ERAP2: variants seen among roughly 807,000 people sequenced by gnomAD.
ERAP2 encodes endoplasmic reticulum aminopeptidase 2, also known as leukocyte-derived arginine aminopeptidase.
Under a neutral mutation model 111.1 loss-of-function variants are expected in ERAP2, and 118 were observed. The ratio of observed to expected loss-of-function variants is 1.06; its 90% CI spans 0.92 to 1.24. ERAP2 has a LOEUF of 1.24. Among genes scored for constraint, ERAP2 ranks in the 50% most tolerant of loss-of-function variants. The probability of loss-of-function intolerance (pLI) is 0.00; values close to 1 mark genes in which losing one functional copy is unlikely to be tolerated. For missense variants in ERAP2, 1,131 were observed against 1,125.8 expected (o/e 1.00, Z -0.07); for synonymous variants, 410 against 401.2 (o/e 1.02, Z -0.26).
chr5:96,905,819 G>T (rs556427481), intron 13 of ERAP2, among the ~76,000 whole-genome samples: 2 of 152,026 alleles, frequency 1.3e-5, no homozygotes, highest in African/African-American at 4.8e-5. Context: ...AGAAGATCAC[G>T]CCACTGAACT....
rs753719460 is a variant in ERAP2, at chr5:96,896,453, G to A, written c.1320G>A (p.Ala440=). ...LNSSRPISKP[A]ETPTQIQEMF... is the part of the protein sequence containing the mutation. Reference sequence around the variant, plus strand: ...CATCCCGCCCTATCTCCAAACCAGCGGAAACCCCGACTCAAATACAGGAAA... The same window carrying A: ...CATCCCGCCCTATCTCCAAACCAGCAGAAACCCCGACTCAAATACAGGAAA... The change falls in exon 8 of 19, where the codon GCG becomes GCA. Residue 440 remains alanine (A), a synonymous_variant. Coordinates refer to ENST00000437043, the MANE Select transcript of ERAP2 (RefSeq NM_022350.5). 28 of 1,613,334 alleles carry A rather than the reference G, an allele frequency of 1.7e-5. No homozygotes were observed. Among genetic ancestry groups the A allele is most frequent in the Admixed American group, 3.3e-5 (2 of 59,898 alleles).
intron 2 of ERAP2, among the ~76,000 whole-genome samples, chr5:96,882,894 C>T (rs6556941): frequency 0.07 from 10,623 of 152,176 alleles, 481 homozygotes; most frequent in East Asian, 0.14. Context: ...TATTCTATTC[C>T]CCCCTCCTTT....
Position 96,903,362 on chromosome 5 carries a change from A to G in ERAP2, c.1829-15A>G, listed in dbSNP as rs747831977. Reference sequence around the variant, plus strand: ...TGTTGATAATAAAATGCCTATGCCAATCTTATCCTCTTAGATACTCTGGAT... The same window carrying G: ...TGTTGATAATAAAATGCCTATGCCAGTCTTATCCTCTTAGATACTCTGGAT... On this transcript the variant is annotated splice_polypyrimidine_tract_variant and intron_variant, in intron 12 of 18. Coordinates refer to ENST00000437043, the MANE Select transcript of ERAP2 (RefSeq NM_022350.5). 1.1e-5 allele frequency: 17 copies of G among 1,595,358 alleles called. No individual in the cohort carries two copies. The East Asian group carries it at 3.6e-4, about 34-fold the overall frequency.
chr5:96,901,784 TC>T, intron 11 of ERAP2, 103 bp downstream of exon 11: 1 of 1,179,362 alleles, frequency 8.5e-7, no homozygotes, highest in Non-Finnish European at 1.2e-6. Context: ...GGATGCTAGT[TC>T]CATATAAGAA....
Position 96,912,725 on chromosome 5 carries a change from T to G in ERAP2, c.2443T>G (p.Ser815Ala), listed in dbSNP as rs148708472. The change falls in exon 16 of 19, where the codon TCA (serine) becomes GCA (alanine). Residue 815 changes from serine to alanine, a missense_variant. Around this residue, in one of 3 missense-constraint regions of ERAP2, gnomAD observed 279 missense variants for 250.9 expected, o/e 1.11. Transcript: ENST00000437043. ...TTACCTTTTAGAGCAATATGAACTG[T>G]CAATGTCAAGTGCTGAACAAAACAA... ...WNYLLEQYEL[S>A]MSSAEQNKIL... 13 of 1,603,860 alleles carry G rather than the reference T, an allele frequency of 8.1e-6. No homozygotes were observed. Among genetic ancestry groups the G allele is most frequent in the Non-Finnish European group, 1.1e-5 (13 of 1,177,194 alleles).
chr5:96,882,224 A>G (rs1479544200), intron 2 of ERAP2, among the ~76,000 whole-genome samples: 1 of 152,198 alleles, frequency 6.6e-6, no homozygotes, highest in Non-Finnish European at 1.5e-5. Flanking sequence ...CACATAAACA[A>G]TGATGGCTTT....
chr5:96,915,811 C>T (rs1270735544), intron 18 of ERAP2, 42 bp downstream of exon 18: 2 of 1,440,764 alleles, frequency 1.4e-6, no homozygotes, highest in Middle Eastern at 1.8e-4. Context: ...AATAAATGTT[C>T]AAATTGTGGA....
rs528372341 is a variant in ERAP2, at chr5:96,905,237, G to A, written c.2012+1677G>A. ...TCAAATAATGTGAAGTTGAGAAAAA[G>A]GCAGAATGTAAGTCTGTGTATTATT... On this transcript the variant is annotated intron_variant, in intron 13 of 18. Coordinates refer to ENST00000437043, the MANE Select transcript of ERAP2 (RefSeq NM_022350.5). 7.0e-4 allele frequency among the ~76,000 whole-genome samples: 106 copies of A among 152,140 alleles called. 1 individual carries two copies. The highest frequency in any genetic ancestry group is 1.3e-3 in the Non-Finnish European group (88 of 68,024).
At chr5:96,893,263 C>T (rs1268792078) in intron 6 of ERAP2, among the ~76,000 whole-genome samples, 4 of 152,126 alleles carry the variant, frequency 2.6e-5, no homozygotes, top group African/African-American at 4.8e-5. Flanking sequence ...ATTAAAGTCA[C>T]CAAAATTGTC....
At position 96,913,400 on chromosome 5, in the gene ERAP2, AG is replaced by A. The variant is rs753952011; in HGVS notation, c.2604del (p.Gln869SerfsTer3). On this transcript the variant is annotated frameshift_variant, in exon 17 of 19. Coordinates refer to ENST00000437043, the MANE Select transcript of ERAP2 (RefSeq NM_022350.5). LOFTEE classifies it high-confidence loss of function. ...ALLHAIARRP[K>X]GQQLAWDFVR... ...CTTCATGCGATTGCCAGACGTCCAA[AG>A]GGGCAGCAACTAGCATGGGATTTTG... is the stretch of plus-strand genomic sequence containing the variant. The A allele has an allele frequency of 3.1e-6, 5 of 1,614,154 alleles. No homozygotes were observed. In the South Asian group the frequency reaches 5.5e-5, roughly 18 times the overall value.
In ERAP2 at chr5:96,880,268, C is replaced by A; in HGVS notation, c.575+8C>A. 1.9e-6 allele frequency: 3 copies of A among 1,598,424 alleles called. No homozygotes were observed. Among genetic ancestry groups the A allele is most frequent in the Non-Finnish European group, 2.6e-6 (3 of 1,171,646 alleles). On this transcript the variant is annotated splice_region_variant and intron_variant, in intron 2 of 18. Transcript: ENST00000437043. ...TCTTGGTGGTGAAACAAGGTAAGAA[C>A]TTGCTCAGGTAATTTACATTCTTTT...
At chr5:96,887,124 CACAT>C (rs1266710129) in intron 4 of ERAP2, among the ~76,000 whole-genome samples, 115 of 146,614 alleles carry the variant, frequency 7.8e-4, no homozygotes, top group African/African-American at 2.8e-3. Context: ...CACACACACA[CACAT>C]ACATATATAC....
At chr5:96,909,451 C>G (rs559938713) in intron 14 of ERAP2, 129 bp from the exon 15 acceptor site, 2 of 730,736 alleles carry the variant, frequency 2.7e-6, no homozygotes, top group Admixed American at 2.7e-5. Context: ...AAGAGAAATA[C>G]GAAGATACAC....
chr5:96,884,555 T>TTTTGTTTGTTTGTTTG (rs60074846), intron 3 of ERAP2, among the ~76,000 whole-genome samples: 1 of 151,156 alleles, frequency 6.6e-6, no homozygotes, highest in South Asian at 2.1e-4. Context: ...TATACAAGTT[T>TTTTGTTTGTTTGTTTG]TTTGTTTGTT....
intron 4 of ERAP2, among the ~76,000 whole-genome samples, chr5:96,887,374 C>T (rs1783868266): frequency 6.7e-6 from 1 of 149,556 alleles, no homozygotes; most frequent in South Asian, 2.1e-4. Context: ...TATCTCGGCT[C>T]ACTGCAATCT....
chr5:96,911,177 G>A (rs904836608), intron 15 of ERAP2, among the ~76,000 whole-genome samples: 73 of 152,084 alleles, frequency 4.8e-4, no homozygotes, highest in African/African-American at 1.6e-3. Flanking sequence ...ATTTATTTCC[G>A]CTTAAAAAAA....
At chr5:96,915,016 A>AT (rs1248788305) in intron 17 of ERAP2, among the ~76,000 whole-genome samples, 1 of 151,512 alleles carries the variant, frequency 6.6e-6, no homozygotes. Flanking sequence ...TAATTAATTT[A>AT]TTTTTTTTGA....
rs753453969 is a variant in ERAP2, at chr5:96,918,197, C to T, written c.*592C>T. 1 of 152,350 alleles carries T rather than the reference C, an allele frequency of 6.6e-6. No homozygotes were observed. The highest frequency in any genetic ancestry group is 1.5e-5 in the Non-Finnish European group (1 of 68,066). The allele number at this position is 152,350 out of a possible 1,614,324, so 9.4% of individuals were successfully genotyped here. ...TGAATAATGGATATATGTGGAGATA[C>T]AGACATAGATATATAGATACAGCTG... On this transcript the variant is annotated 3_prime_UTR_variant, in exon 19 of 19. Coordinates refer to ENST00000437043, the MANE Select transcript of ERAP2 (RefSeq NM_022350.5).
intron 17 of ERAP2, among the ~76,000 whole-genome samples, 180 bp from the exon 18 acceptor site, chr5:96,915,508 A>G (rs1231155328): frequency 2.6e-5 from 4 of 152,228 alleles, no homozygotes; most frequent in Non-Finnish European, 5.9e-5. Flanking sequence ...GTAAAATTTG[A>G]TAAGTTTCAC....
Sources: allele counts gnomAD v4.1 joint callset (sites outside exome capture counted in the v4.1 genomes callset), GRCh38; gene constraint gnomAD v4.1.1; regional missense constraint gnomAD v4.1.1; transcripts MANE v1.5; gene names NCBI Gene and HGNC (gene_info 2026-07-23, HGNC 2026-07-21).